Variants in BTBD3 observed in about 807,000 individuals in gnomAD.
The protein encoded by BTBD3 is BTB/POZ domain-containing protein 3.
In BTBD3, 14 loss-of-function variants were observed where a neutral mutation model predicts 41.6. The observed-to-expected ratio is 0.34, with a 90% CI of 0.22 to 0.53. The LOEUF is 0.53. BTBD3 is among the 20% of genes least tolerant of loss of function. BTBD3 has a pLI of 0.95. For synonymous variants in BTBD3, 249 were observed against 233.7 expected, an observed-to-expected ratio of 1.07 and a Z score of -0.60; for missense variants, 426 against 654.7, an observed-to-expected ratio of 0.65 and a Z score of 3.81.
At chr20:11,899,935 A>G (rs1486138690) in intron 1 of BTBD3, among the ~76,000 whole-genome samples, 1 of 152,264 alleles carries the variant, frequency 6.6e-6, no homozygotes, top group Non-Finnish European at 1.5e-5. Context: ...GATAAGCCCA[A>G]TAGCTGTTAC....
intron 1 of BTBD3, among the ~76,000 whole-genome samples, chr20:11,893,503 TC>T (rs1432634572): frequency 6.6e-6 from 1 of 152,250 alleles, no homozygotes; most frequent in Non-Finnish European, 1.5e-5. Flanking sequence ...TTCCCTTCTT[TC>T]ATCACACATT....
upstream of BTBD3, among the ~76,000 whole-genome samples, chr20:11,915,809 A>G (rs2056914488): frequency 6.6e-6 from 1 of 152,226 alleles, no homozygotes; most frequent in African/African-American, 2.4e-5. Context: ...AGAATTTTCT[A>G]CAAAACTTAT....
rs182545827 is a variant in BTBD3, at chr20:11,904,927, A to G, written c.-125-13407A>G. 1.4e-4 allele frequency among the ~76,000 whole-genome samples: 21 copies of G among 152,344 alleles called. No homozygotes were observed. The East Asian group carries it at 2.5e-3, about 18-fold the overall frequency. The stretch of plus-strand genomic sequence containing the variant: ...CCATTGTACTTTGGATCTTTTACCA[A>G]TGCATGATTTTGTATTGTAATTGCA... On this transcript the variant is annotated intron_variant, in intron 1 of 4. Coordinates refer to the BTBD3 transcript ENST00000254977.
At chr20:11,906,987 C>T (rs1052738768) in intron 1 of BTBD3, among the ~76,000 whole-genome samples, 1 of 152,026 alleles carries the variant, frequency 6.6e-6, no homozygotes, top group African/African-American at 2.4e-5. Context: ...ACGTGAATTG[C>T]TGAGAATTTA....
exon 1 of BTBD3, chr20:11,890,949 C>T (rs2056747196): frequency 2.2e-5 from 22 of 984,130 alleles, no homozygotes; most frequent in Non-Finnish European, 2.7e-5. Flanking sequence ...AGGAGGAGCG[C>T]TGGCGGTGAG....
Position 11,924,535 on chromosome 20 carries a change from T to G in BTBD3, c.*869T>G, listed in dbSNP as rs1204733783. ...TATGCAGTTTGAAAAAGCCAAACTC[T>G]TCTCTCCACTTAGCTTTTGATCCCC... On this transcript the variant is annotated 3_prime_UTR_variant, in exon 4 of 4. Transcript: ENST00000378226. The G allele has an allele frequency of 6.6e-6, 1 of 152,654 alleles. No homozygotes were observed. The highest frequency in any genetic ancestry group is 2.4e-5 in the African/African-American group (1 of 41,456). The allele number at this position is 152,654 out of a possible 1,614,324, so 9.5% of individuals were successfully genotyped here. A position where few individuals can be genotyped will look rare whatever the true frequency, so the allele number is the denominator to read the frequency against.
intron 3 of BTBD3, among the ~76,000 whole-genome samples, chr20:11,921,398 C>A (rs1021459356): frequency 6.6e-6 from 1 of 152,190 alleles, no homozygotes; most frequent in African/African-American, 2.4e-5. Flanking sequence ...GCCATTTGCT[C>A]TAGTGCTGTA....
intron 1 of BTBD3, among the ~76,000 whole-genome samples, chr20:11,907,535 C>T (rs1050832503): frequency 7.2e-5 from 11 of 152,158 alleles, no homozygotes; most frequent in African/African-American, 2.4e-4. Context: ...GGCACTGTTG[C>T]AGATATGGAG....
chr20:11,918,621 ATTTACTT>A lies in BTBD3; in HGVS notation c.326+22_326+28del. The A allele has an allele frequency of 6.5e-7, 1 of 1,545,590 alleles. No homozygotes were observed. ...AGAGAGGTAAGTGCCGCGCTAGTCTATTTACTTTAAAAGTTTTCCTGTGTTGAAGTTT... is the reference window on the plus strand; with the variant it reads ...AGAGAGGTAAGTGCCGCGCTAGTCTATAAAAGTTTTCCTGTGTTGAAGTTT... On this transcript the variant is annotated intron_variant, in intron 1 of 3. Coordinates refer to ENST00000378226, the MANE Select transcript of BTBD3 (RefSeq NM_014962.4).
chr20:11,925,974 C>G lies in BTBD3; in HGVS notation c.*2308C>G, dbSNP rs2122361827. 1 of 152,184 alleles carries G rather than the reference C, an allele frequency of 6.6e-6. No homozygotes were observed. The highest frequency in any genetic ancestry group is 6.5e-5 in the Admixed American group (1 of 15,288). The allele number at this position is 152,184 out of a possible 1,614,324, so 9.4% of individuals were successfully genotyped here. ...CCATCTGATTGGCTGGTACCGAGAGCTGTGGGTAAAATTTGAAAATTGTAT... is the reference window on the plus strand; with the variant it reads ...CCATCTGATTGGCTGGTACCGAGAGGTGTGGGTAAAATTTGAAAATTGTAT... On this transcript the variant is annotated 3_prime_UTR_variant, in exon 4 of 4. Transcript: ENST00000378226.
chr20:11,916,883 A>G (rs1475449831), upstream of BTBD3, among the ~76,000 whole-genome samples: 1 of 152,142 alleles, frequency 6.6e-6, no homozygotes, highest in Non-Finnish European at 1.5e-5. Flanking sequence ...TGCAGAACCT[A>G]TTGCCGGTGT....
chr20:11,918,920 T>G, intron 1 of BTBD3, 166 bp from the exon 2 acceptor site: 1 of 585,908 alleles, frequency 1.7e-6, no homozygotes, highest in Non-Finnish European at 3.0e-6. Flanking sequence ...TTCCCTTATG[T>G]TTGCAATGAT....
At position 11,923,600 on chromosome 20, in the gene BTBD3, C is replaced by G; in HGVS notation, c.1503C>G (p.Ser501=). 6.2e-7 allele frequency: 1 copy of G among 1,614,018 alleles called. No homozygotes were observed. Among genetic ancestry groups the G allele is most frequent in the Non-Finnish European group, 8.5e-7 (1 of 1,179,970 alleles). The change falls in exon 4 of 4, where the codon TCC becomes TCG. Residue 501 remains serine (S), a synonymous_variant. Transcript: ENST00000378226. The surrounding 1 kb of genome is among the most constrained non-coding windows in gnomAD (Gnocchi z 5.3). ...AAGTGACTGTCCAGTTTCAGTGCTC[C>G]TCAGATAGCACCAATGGCACTGGGG... ...CGKVTVQFQC[S]SDSTNGTGVQ...
At chr20:11,908,344 A>G in intron 1 of BTBD3, among the ~76,000 whole-genome samples, 1 of 17,150 alleles carries the variant, frequency 5.8e-5, no homozygotes, top group East Asian at 6.6e-4. Flanking sequence ...TTTTTTAAAT[A>G]AGGTACTGAC....
rs2056999974 is a variant in BTBD3 at position 11,924,337 on chromosome 20, T to C, written c.*671T>C. Reference sequence around the variant, plus strand: ...CTTCTACAAGCAGATTTCTTTTCTTTTAGTTTAGAAGACAAAAAATTTCAA... The same window carrying C: ...CTTCTACAAGCAGATTTCTTTTCTTCTAGTTTAGAAGACAAAAAATTTCAA... On this transcript the variant is annotated 3_prime_UTR_variant, in exon 4 of 4. Coordinates refer to ENST00000378226, the MANE Select transcript of BTBD3 (RefSeq NM_014962.4). 6.6e-6 allele frequency: 1 copy of C among 152,218 alleles called. No individual in the cohort carries two copies. Among genetic ancestry groups the C allele is most frequent in the African/African-American group, 2.4e-5 (1 of 41,448 alleles). 9.4% of individuals were successfully genotyped at this position (152,218 alleles called of 1,614,324 possible). A position where few individuals can be genotyped will look rare whatever the true frequency, so the allele number is the denominator to read the frequency against.
intron 1 of BTBD3, among the ~76,000 whole-genome samples, chr20:11,912,031 G>A (rs1220575697): frequency 6.6e-6 from 1 of 151,552 alleles, no homozygotes; most frequent in Non-Finnish European, 1.5e-5. Context: ...CCCACCCCCC[G>A]CTCACCCCAA....
intron 1 of BTBD3, among the ~76,000 whole-genome samples, chr20:11,911,707 A>G (rs769873581): frequency 9.2e-5 from 14 of 152,186 alleles, no homozygotes; most frequent in African/African-American, 1.4e-4. Flanking sequence ...AAACTTAGCA[A>G]TTGGTTGCCT....
upstream of BTBD3, among the ~76,000 whole-genome samples, chr20:11,915,183 C>G (rs891828721): frequency 1.9e-4 from 29 of 152,072 alleles, no homozygotes; most frequent in Admixed American, 1.8e-3. Context: ...CCTTATTTTT[C>G]CTGCCGAAAT....
chr20:11,914,304 T>C (rs556809532), upstream of BTBD3, among the ~76,000 whole-genome samples: 2 of 152,318 alleles, frequency 1.3e-5, no homozygotes, highest in South Asian at 4.1e-4. Flanking sequence ...TAGTAGACTA[T>C]AGAAATGAAA....
Sources: allele counts gnomAD v4.1 joint callset (sites outside exome capture counted in the v4.1 genomes callset), GRCh38; gene constraint gnomAD v4.1.1; non-coding constraint Gnocchi (gnomAD v3.1); transcripts MANE v1.5; gene names NCBI Gene and HGNC (gene_info 2026-07-23, HGNC 2026-07-21).